RFXANK: variants seen among roughly 807,000 people sequenced by gnomAD.
RFXANK encodes regulatory factor X associated ankyrin containing protein.
RFXANK carries 19 observed loss-of-function variants against 34.5 expected under a neutral mutation model. The observed-to-expected ratio is 0.55, with a 90% confidence interval of 0.38 to 0.81. The LOEUF (loss-of-function observed/expected upper bound fraction) is 0.81. RFXANK is among the 30% of genes least tolerant of loss of function. The probability of loss-of-function intolerance (pLI) is 0.00; values close to 1 mark genes in which losing one functional copy is unlikely to be tolerated. For synonymous variants in RFXANK, 154 were observed against 149.8 expected, an observed-to-expected ratio of 1.03 and a Z score of -0.20; for missense variants, 295 against 343.5, an observed-to-expected ratio of 0.86 and a Z score of 1.12.
Position 19,200,029 on chromosome 19 carries a change from C to T in RFXANK, c.712+795C>T, listed in dbSNP as rs537608321. Among the ~76,000 whole-genome samples, 13 of 152,212 alleles carry T rather than the reference C, an allele frequency of 8.5e-5. No individual in the cohort carries two copies. The East Asian group carries it at 2.3e-3, about 27-fold the overall frequency. On this transcript the variant is annotated intron_variant, in intron 9 of 9. Coordinates refer to ENST00000303088, the MANE Select transcript of RFXANK (RefSeq NM_003721.4). The stretch of plus-strand genomic sequence containing the variant: ...TTTGTTCGAGGCAGAAAGTCTTGCT[C>T]TATCACCCAGGCTGGAATGAAGTGG...
Position 19,196,976 on chromosome 19 carries a change from G to T in RFXANK, c.201G>T (p.Leu67=). 2 of 1,612,488 alleles carry T rather than the reference G, an allele frequency of 1.2e-6. No individual in the cohort carries two copies. Residue 67 remains leucine, a synonymous_variant, in exon 4 of 10, where the codon CTG becomes CTT. Transcript: ENST00000303088. ...TCTGTTTCCCAGCAGGCAGCTCCCT[G>T]AAGCACTCCACCACTCTCACCAACC... ...SVSSPQAGSS[L]KHSTTLTNRQ...
Position 19,201,005 on chromosome 19 carries a change from G to A in RFXANK, c.713-644G>A, listed in dbSNP as rs575487003. On this transcript the variant is annotated intron_variant, in intron 9 of 9. Coordinates refer to ENST00000303088, the MANE Select transcript of RFXANK (RefSeq NM_003721.4). ...AGTAGAGTCAGGGTTTCTCCATGTTGGTCAGGTGATCTCAAACTCCCGACC... is the reference window on the plus strand; with the variant it reads ...AGTAGAGTCAGGGTTTCTCCATGTTAGTCAGGTGATCTCAAACTCCCGACC... 1.7e-3 allele frequency: 336 copies of A among 195,176 alleles called. 1 individual carries two copies. The highest frequency in any genetic ancestry group is 2.6e-3 in the Middle Eastern group (1 of 384). 12.1% of individuals were successfully genotyped at this position (195,176 alleles called of 1,614,324 possible).
At position 19,201,865 on chromosome 19, in the gene RFXANK, A is replaced by C; in HGVS notation, c.*146A>C. 1.2e-6 allele frequency: 2 copies of C among 1,613,076 alleles called. No homozygotes were observed. The highest frequency in any genetic ancestry group is 1.7e-6 in the Non-Finnish European group (2 of 1,179,462). On this transcript the variant is annotated 3_prime_UTR_variant, in exon 10 of 10. Transcript: ENST00000303088. ...AGGAACCAATAAACCTTCTGTGCAG[A>C]ATGAGGGACTTTGCTGTGCTTCCCG...
chr19:19,192,466 A>C lies in RFXANK; in HGVS notation c.-238A>C. ...ACGCATTACCCACTCGGGCCGCAAA[A>C]ACTCCCTTCTTTAGCCCTCTGCCCC... On this transcript the variant is annotated 5_prime_UTR_variant, in exon 1 of 10. Transcript: ENST00000303088. The C allele has an allele frequency of 2.8e-6, 1 of 359,018 alleles. No homozygotes were observed. Among genetic ancestry groups the C allele is most frequent in the Non-Finnish European group, 5.2e-6 (1 of 193,552 alleles). The allele number at this position is 359,018 out of a possible 1,614,324, so 22.2% of individuals were successfully genotyped here.
chr19:19,198,895 G>A (rs75833713), intron 8 of RFXANK, 172 bp downstream of exon 8: 16,316 of 781,642 alleles, frequency 0.021, 319 homozygotes, highest in African/African-American at 0.062. Context: ...AGGACCACAC[G>A]GGAGTCGGGG....
chr19:19,197,367 C>CTGTG (rs893886137), intron 5 of RFXANK, 116 bp downstream of exon 5: 1 of 1,256,590 alleles, frequency 8.0e-7, no homozygotes, highest in Non-Finnish European at 1.1e-6. Flanking sequence ...TTGTATCTAA[C>CTGTG]TGTGTGTGTG....
chr19:19,193,777 G>A (rs1044209005), intron 2 of RFXANK, among the ~76,000 whole-genome samples, 162 bp from the exon 3 acceptor site: 2 of 152,182 alleles, frequency 1.3e-5, no homozygotes, highest in African/African-American at 4.8e-5. Context: ...GGTAGACCTC[G>A]AAAGCAGTTG....
In RFXANK at chr19:19,201,737, C is replaced by G; in HGVS notation, c.*18C>G. On this transcript the variant is annotated 3_prime_UTR_variant, in exon 10 of 10. Coordinates refer to ENST00000303088, the MANE Select transcript of RFXANK (RefSeq NM_003721.4). ...CTGAGTGAAGGCCGCCTGCCGGGGA[C>G]TCAGACACTCAGGGAACAAAATGGT... is the stretch of plus-strand genomic sequence containing the variant. 6.2e-7 allele frequency: 1 copy of G among 1,613,786 alleles called. No homozygotes were observed. The highest frequency in any genetic ancestry group is 8.5e-7 in the Non-Finnish European group (1 of 1,179,944).
At chr19:19,199,756 C>G (rs1009094302) in intron 9 of RFXANK, among the ~76,000 whole-genome samples, 3 of 152,150 alleles carry the variant, frequency 2.0e-5, no homozygotes, top group Non-Finnish European at 4.4e-5. Flanking sequence ...GGCCATCCCT[C>G]TCCGTGGCGG....
At position 19,201,633 on chromosome 19, in the gene RFXANK, C is replaced by A; in HGVS notation, c.713-16C>A. On this transcript the variant is annotated splice_polypyrimidine_tract_variant and intron_variant, in intron 9 of 9. Coordinates refer to ENST00000303088, the MANE Select transcript of RFXANK (RefSeq NM_003721.4). Reference sequence around the variant, plus strand: ...GATTCAAGCTCACAGCCCACCTTTTCCCTGCCCCATCTCAGTGCAACAGGT... The same window carrying A: ...GATTCAAGCTCACAGCCCACCTTTTACCTGCCCCATCTCAGTGCAACAGGT... 2 of 1,614,070 alleles carry A rather than the reference C, an allele frequency of 1.2e-6. No homozygotes were observed. Among genetic ancestry groups the A allele is most frequent in the Non-Finnish European group, 8.5e-7 (1 of 1,180,024 alleles).
intron 9 of RFXANK, among the ~76,000 whole-genome samples, chr19:19,200,265 C>G (rs950117699): frequency 6.6e-6 from 1 of 150,760 alleles, no homozygotes; most frequent in Non-Finnish European, 1.5e-5. Context: ...GCAACTTCCA[C>G]CTCCCAGGTT....
intron 3 of RFXANK, among the ~76,000 whole-genome samples, chr19:19,194,993 C>T (rs1452679043): frequency 6.6e-6 from 1 of 151,968 alleles, no homozygotes; most frequent in Non-Finnish European, 1.5e-5. Context: ...TCCTACACTT[C>T]TTCCTATAGC....
At chr19:19,194,424 C>T (rs2060560421) in intron 3 of RFXANK, among the ~76,000 whole-genome samples, 1 of 152,046 alleles carries the variant, frequency 6.6e-6, no homozygotes, top group Non-Finnish European at 1.5e-5. Flanking sequence ...TTAGTAGAGA[C>T]GGGGTTTCAC....
At chr19:19,194,571 A>T (rs2060564338) in intron 3 of RFXANK, among the ~76,000 whole-genome samples, 1 of 151,010 alleles carries the variant, frequency 6.6e-6, no homozygotes, top group African/African-American at 2.4e-5. Context: ...TCGCTCTGTT[A>T]CTAAGGCTGG....
intron 3 of RFXANK, among the ~76,000 whole-genome samples, chr19:19,196,719 G>A (rs1316714364): frequency 6.6e-6 from 1 of 152,062 alleles, no homozygotes; most frequent in African/African-American, 2.4e-5. Context: ...ACAAAAATTA[G>A]CCAGGTGTGG....
At chr19:19,198,771 G>A in intron 8 of RFXANK, 48 bp downstream of exon 8, 1 of 1,589,448 alleles carries the variant, frequency 6.3e-7, no homozygotes, top group Non-Finnish European at 8.6e-7. Context: ...ACTCCAGCGG[G>A]CCCTGCGGGA....
At position 19,196,952 on chromosome 19, in the gene RFXANK, C is replaced by T. The variant is rs201545133; in HGVS notation, c.188-11C>T. The T allele has an allele frequency of 4.1e-4, 666 of 1,609,958 alleles. 1 individual carries two copies. Among genetic ancestry groups the T allele is most frequent in the South Asian group, 3.3e-3 (298 of 91,052 alleles). On this transcript the variant is annotated splice_polypyrimidine_tract_variant and intron_variant, in intron 3 of 9. Transcript: ENST00000303088. ...CTGAGGGGAAACTGACGCCTGTTGT[C>T]TGTTTCCCAGCAGGCAGCTCCCTGA... is the stretch of plus-strand genomic sequence containing the variant.
intron 7 of RFXANK, 87 bp from the exon 8 acceptor site, chr19:19,198,570 C>A (rs569673805): frequency 4.0e-6 from 6 of 1,483,110 alleles, no homozygotes; most frequent in African/African-American, 1.4e-5. Flanking sequence ...GGAGGAACCA[C>A]GTTCAACTGG....
intron 9 of RFXANK, 37 bp downstream of exon 9, chr19:19,199,271 T>C: frequency 6.3e-7 from 1 of 1,599,678 alleles, no homozygotes; most frequent in Admixed American, 1.7e-5. Flanking sequence ...GTGGGGTCCC[T>C]TCCATAGGCA....
Sources: allele counts gnomAD v4.1 joint callset (sites outside exome capture counted in the v4.1 genomes callset), GRCh38; gene constraint gnomAD v4.1.1; transcripts MANE v1.5; gene names NCBI Gene and HGNC (gene_info 2026-07-23, HGNC 2026-07-21).